The following RBFOX1 variants were observed in gnomAD, a reference collection of about 807,000 sequenced individuals.
The protein encoded by RBFOX1 is RNA binding fox-1 homolog 1, also known as RNA binding protein fox-1 homolog 1.
RBFOX1 carries 8 observed loss-of-function variants against 57.7 expected under a neutral mutation model. The ratio of observed to expected loss-of-function variants is 0.14; its 90% CI spans 0.08 to 0.25. The LOEUF is 0.25. Among genes scored for constraint, RBFOX1 ranks in the 10% least tolerant of loss-of-function variants. RBFOX1 has a pLI of 1.00. For synonymous variants in RBFOX1, 326 were observed against 222.4 expected, an observed-to-expected ratio of 1.47 and a Z score of -4.15; for missense variants, 611 against 548.5, an observed-to-expected ratio of 1.11 and a Z score of -1.14.
intron 3 of RBFOX1, among the ~76,000 whole-genome samples, chr16:6,685,043 G>C (rs1020217985): frequency 2.0e-5 from 3 of 152,126 alleles, no homozygotes; most frequent in Non-Finnish European, 4.4e-5. Context: ...TAAGGCTGCA[G>C]GATGACTGAA....
intron 3 of RBFOX1, among the ~76,000 whole-genome samples, chr16:6,995,414 A>T (rs1021791062): frequency 2.6e-5 from 4 of 151,530 alleles, no homozygotes; most frequent in African/African-American, 9.7e-5. Flanking sequence ...CGTGTGATAG[A>T]CCTATGGGGT....
At chr16:7,471,528 G>C (rs1194911832) in intron 4 of RBFOX1, among the ~76,000 whole-genome samples, 1 of 152,108 alleles carries the variant, frequency 6.6e-6, no homozygotes, top group Non-Finnish European at 1.5e-5. Context: ...ACATAGTCCA[G>C]TTTACTTCTG....
rs71408406 is a variant in RBFOX1 at position 6,727,050 on chromosome 16, A to AACACAC, written c.-16+72410_-16+72415dup. On this transcript the variant is annotated intron_variant, in intron 3 of 15. Transcript: ENST00000550418. ...TCATGACCTTCAGGTATTTGGACTG[A>AACACAC]ACACACACACACACAGACACAGAGA... Among the ~76,000 whole-genome samples, 434 of 135,872 alleles carry AACACAC rather than the reference A, an allele frequency of 3.2e-3. 6 individuals carry two copies. Among genetic ancestry groups the AACACAC allele is most frequent in the Non-Finnish European group, 4.9e-3 (312 of 63,274 alleles). 89.1% of individuals were successfully genotyped at this position (135,872 alleles called of 152,430 possible).
At chr16:5,828,170 C>T (rs1006637001) in intron 3 of RBFOX1, among the ~76,000 whole-genome samples, 1 of 151,976 alleles carries the variant, frequency 6.6e-6, no homozygotes, top group African/African-American at 2.4e-5. Flanking sequence ...ATCCCTGCAT[C>T]CAATCCATCC....
In RBFOX1 at chr16:6,859,126, TATAC is replaced by T. The variant is rs1390967827; in HGVS notation, c.-15-192927_-15-192924del. The stretch of plus-strand genomic sequence containing the variant: ...TAAAAAAAGTGTATATATATATATA[TATAC>T]ATATATATACGTATATATATATGTA... On this transcript the variant is annotated intron_variant, in intron 3 of 15. Coordinates refer to ENST00000550418, the MANE Select transcript of RBFOX1 (RefSeq NM_018723.4). Among the ~76,000 whole-genome samples the T allele has an allele frequency of 8.8e-3, 575 of 65,672 alleles. 21 individuals carry two copies. The highest frequency in any genetic ancestry group is 0.03 in the African/African-American group (288 of 9,736). 43.1% of individuals were successfully genotyped at this position (65,672 alleles called of 152,430 possible).
chr16:5,455,012 T>TC, intron 1 of RBFOX1, among the ~76,000 whole-genome samples: 2 of 117,386 alleles, frequency 1.7e-5, no homozygotes, highest in African/African-American at 6.0e-5. Flanking sequence ...TCTTTCTTTC[T>TC]TTCTTTCTTT....
intron 4 of RBFOX1, among the ~76,000 whole-genome samples, chr16:7,149,199 TTA>T: frequency 6.6e-6 from 1 of 152,288 alleles, no homozygotes; most frequent in East Asian, 1.9e-4. Flanking sequence ...TCATGTTTTT[TTA>T]TTCAGAGTCA....
intron 4 of RBFOX1, among the ~76,000 whole-genome samples, chr16:7,447,919 C>G (rs1284764947): frequency 1.3e-5 from 2 of 152,208 alleles, no homozygotes; most frequent in Admixed American, 6.5e-5. Flanking sequence ...CAACAGGCAT[C>G]TGCGTTAAAT....
chr16:7,637,461 C>T (rs72776808), intron 11 of RBFOX1, among the ~76,000 whole-genome samples: 3,658 of 152,218 alleles, frequency 0.024, 85 homozygotes, highest in South Asian at 0.12. Flanking sequence ...ATTCATAAAA[C>T]GATGATTTAA....
At chr16:6,185,166 A>G (rs1040921823) in intron 1 of RBFOX1, among the ~76,000 whole-genome samples, 1 of 152,148 alleles carries the variant, frequency 6.6e-6, no homozygotes, top group Non-Finnish European at 1.5e-5. Flanking sequence ...ATCCTTCACC[A>G]TGTGCACAGG....
At position 6,523,269 on chromosome 16, in the gene RBFOX1, G is replaced by A. The variant is rs150135051; in HGVS notation, c.-63-131334G>A. 2.0e-4 allele frequency among the ~76,000 whole-genome samples: 31 copies of A among 152,210 alleles called. 1 individual carries two copies. The East Asian group carries it at 5.8e-3, about 29-fold the overall frequency. On this transcript the variant is annotated intron_variant, in intron 2 of 15. Coordinates refer to ENST00000550418, the MANE Select transcript of RBFOX1 (RefSeq NM_018723.4). ...AGGAGGGAAGGAAGAGAAGAAGGAA[G>A]AGACAGAGGGAGGGGGGGTTAGTAC...
At chr16:5,393,343 G>A (rs1204635544) in intron 1 of RBFOX1, among the ~76,000 whole-genome samples, 1 of 152,204 alleles carries the variant, frequency 6.6e-6, no homozygotes, top group Non-Finnish European at 1.5e-5. Flanking sequence ...GGCAGCTTGG[G>A]TGTATCTGTC....
chr16:5,897,100 A>G (rs1350637529), intron 4 of RBFOX1, among the ~76,000 whole-genome samples: 5 of 135,198 alleles, frequency 3.7e-5, no homozygotes, highest in Admixed American at 1.8e-4. Context: ...CAGTGGCGCA[A>G]TCTCGGCTCA....
intron 3 of RBFOX1, among the ~76,000 whole-genome samples, chr16:6,727,557 G>A (rs922679820): frequency 7.2e-5 from 11 of 152,014 alleles, no homozygotes; most frequent in South Asian, 4.1e-4. Context: ...AGAGGGAACC[G>A]TACAAACAGC....
chr16:5,322,533 C>T (rs192197231), intron 1 of RBFOX1, among the ~76,000 whole-genome samples: 88 of 152,236 alleles, frequency 5.8e-4, no homozygotes, highest in African/African-American at 1.7e-3. Flanking sequence ...TTTAATCCTC[C>T]GGCAAGACTA....
intron 4 of RBFOX1, among the ~76,000 whole-genome samples, chr16:7,103,823 C>G (rs1405598879): frequency 1.3e-5 from 2 of 152,116 alleles, no homozygotes; most frequent in Non-Finnish European, 2.9e-5. Context: ...ACTTCAAGTG[C>G]CTTTAACTCT....
chr16:6,773,609 ATG>A (rs1222784549), intron 3 of RBFOX1, among the ~76,000 whole-genome samples: 1 of 66,812 alleles, frequency 1.5e-5, no homozygotes, highest in Non-Finnish European at 2.8e-5. Context: ...GTGTATGTGC[ATG>A]TGTGGGCATG....
intron 1 of RBFOX1, among the ~76,000 whole-genome samples, chr16:5,328,662 G>C (rs1273672345): frequency 6.6e-6 from 1 of 152,186 alleles, no homozygotes; most frequent in African/African-American, 2.4e-5. Context: ...ATGCTCTCCA[G>C]CCCTGCCATA....
chr16:5,627,229 T>A (rs1490165025), intron 3 of RBFOX1, among the ~76,000 whole-genome samples: 1 of 152,214 alleles, frequency 6.6e-6, no homozygotes, highest in Non-Finnish European at 1.5e-5. Flanking sequence ...TTCTATCATA[T>A]CCCATGTAGT....
Sources: allele counts gnomAD v4.1 joint callset (sites outside exome capture counted in the v4.1 genomes callset), GRCh38; gene constraint gnomAD v4.1.1; transcripts MANE v1.5; gene names NCBI Gene and HGNC (gene_info 2026-07-23, HGNC 2026-07-21).